Variants in AR observed in about 807,000 individuals in gnomAD.
AR encodes the protein dihydrotestosterone receptor.
A neutral mutation model predicts 53.9 loss-of-function variants in AR; 8 were observed. The observed-to-expected ratio is 0.15, with a 90% CI of 0.09 to 0.27. AR has a LOEUF of 0.27. Among genes scored for constraint, AR ranks in the 10% least tolerant of loss-of-function variants. The probability of loss-of-function intolerance (pLI) is 1.00; values close to 1 mark genes in which losing one functional copy is unlikely to be tolerated. For missense variants in AR, 639 were observed against 742.5 expected, an observed-to-expected ratio of 0.86 and a Z score of 1.62; for synonymous variants, 359 against 316.4, an observed-to-expected ratio of 1.13 and a Z score of -1.43.
At chrX:67,720,251 CTCTT>C (rs2076130138) in intron 5 of AR, among the ~76,000 whole-genome samples, 2 of 110,588 alleles carry the variant, frequency 1.8e-5, no homozygotes, top group East Asian at 2.9e-4. Flanking sequence ...ATTCTCCTCT[CTCTT>C]CCTTCCTTTA....
chrX:67,690,727 T>G (rs1465163236), intron 3 of AR, among the ~76,000 whole-genome samples: 1 of 111,825 alleles, frequency 8.9e-6, no homozygotes, highest in East Asian at 2.8e-4. Flanking sequence ...CCTCAAAAAT[T>G]TGAGCAAGAG....
In AR at chrX:67,675,523, C is replaced by G. The variant is rs1424302971; in HGVS notation, c.1769-10487C>G. ...ATTAGGGCTGGTCTAAGTGCTCCTT[C>G]TGTGGGCACTGGCTGAGTTCTGCTC... On this transcript the variant is annotated intron_variant, in intron 2 of 7. Coordinates refer to ENST00000374690, the MANE Select transcript of AR (RefSeq NM_000044.6). Among the ~76,000 whole-genome samples the G allele has an allele frequency of 4.5e-5, 5 of 111,483 alleles. 1 individual carries two copies. In the South Asian group the frequency reaches 1.5e-3, roughly 34 times the overall value.
intron 1 of AR, among the ~76,000 whole-genome samples, chrX:67,627,589 C>A (rs1419219976): frequency 9.0e-6 from 1 of 111,188 alleles, no homozygotes; most frequent in Non-Finnish European, 1.9e-5. Context: ...GTTGCCTGTT[C>A]AATCTGATGG....
At chrX:67,619,893 A>G (rs1187708413) in intron 1 of AR, among the ~76,000 whole-genome samples, 3 of 110,554 alleles carry the variant, frequency 2.7e-5, no homozygotes, top group African/African-American at 9.9e-5. Context: ...GAGGAGTGAG[A>G]CACTTCTCCC....
chrX:67,708,997 G>T (rs908430008), intron 3 of AR, among the ~76,000 whole-genome samples: 6 of 111,777 alleles, frequency 5.4e-5, no homozygotes, highest in Admixed American at 9.5e-5. Context: ...TCATTCTTCT[G>T]GAAGTTTCGT....
At chrX:67,572,074 T>A (rs946157273) in intron 1 of AR, among the ~76,000 whole-genome samples, 1 of 111,334 alleles carries the variant, frequency 9.0e-6, no homozygotes, top group South Asian at 3.8e-4. Flanking sequence ...TGATTGCATA[T>A]GACAAACTTC....
intron 2 of AR, among the ~76,000 whole-genome samples, chrX:67,665,190 C>T (rs1349032570): frequency 8.9e-6 from 1 of 112,627 alleles, no homozygotes; most frequent in Non-Finnish European, 1.9e-5. Flanking sequence ...GCAGAAATCA[C>T]CCATCTTCTG....
intron 1 of AR, among the ~76,000 whole-genome samples, chrX:67,556,826 C>T (rs768358528): frequency 9.2e-6 from 1 of 109,248 alleles, no homozygotes; most frequent in South Asian, 3.8e-4. Context: ...ATATTCCAGG[C>T]CCAGGGAACC....
At chrX:67,595,571 A>AT (rs758106421) in intron 1 of AR, among the ~76,000 whole-genome samples, 3 of 106,919 alleles carry the variant, frequency 2.8e-5, no homozygotes, top group Middle Eastern at 4.7e-3. Flanking sequence ...CATTAGAAAG[A>AT]TTTTTTTTTA....
intron 1 of AR, among the ~76,000 whole-genome samples, chrX:67,580,339 A>G (rs998291811): frequency 9.0e-6 from 1 of 111,729 alleles, no homozygotes; most frequent in Non-Finnish European, 1.9e-5. Flanking sequence ...ACTTCTACAA[A>G]TAATAATCTG....
At chrX:67,626,503 C>A (rs1240832873) in intron 1 of AR, among the ~76,000 whole-genome samples, 3 of 80,126 alleles carry the variant, frequency 3.7e-5, no homozygotes, top group South Asian at 1.8e-3. Flanking sequence ...TGCAGTGGTG[C>A]AATCTCAGCT....
At chrX:67,588,659 C>T (rs911687160) in intron 1 of AR, among the ~76,000 whole-genome samples, 93 of 112,261 alleles carry the variant, frequency 8.3e-4, no homozygotes, top group Non-Finnish European at 1.6e-3. Flanking sequence ...AAGCTGATGC[C>T]CGGCTGATGC....
At chrX:67,602,799 T>C (rs1388625614) in intron 1 of AR, among the ~76,000 whole-genome samples, 1 of 111,599 alleles carries the variant, frequency 9.0e-6, no homozygotes, top group Non-Finnish European at 1.9e-5. Context: ...AGTTGACTTC[T>C]GACCTAAAAA....
chrX:67,695,066 A>T, intron 3 of AR: 1 of 790,988 alleles, frequency 1.3e-6, no homozygotes, highest in South Asian at 6.3e-5. Context: ...CCAGGCACTG[A>T]CTCAGGCGGA....
chrX:67,695,470 T>C lies in AR; in HGVS notation c.1885+9344T>C. ...CTGTAGCCACACTCCTTGATTGCTC[T>C]CTCACATCACATGCTTCTCTTCATC... On this transcript the variant is annotated intron_variant, in intron 3 of 7. Coordinates refer to ENST00000374690, the MANE Select transcript of AR (RefSeq NM_000044.6). The C allele has an allele frequency of 6.6e-6, 5 of 754,331 alleles. No individual in the cohort carries two copies. The South Asian group carries it at 3.4e-4, about 51-fold the overall frequency. The allele number at this position is 754,331 out of a possible 1,213,427, so 62.2% of individuals were successfully genotyped here.
intron 3 of AR, among the ~76,000 whole-genome samples, chrX:67,704,301 G>C (rs2076055730): frequency 8.9e-6 from 1 of 111,940 alleles, no homozygotes; most frequent in Non-Finnish European, 1.9e-5. Context: ...ATCCTTTCCA[G>C]CACCTGTTGT....
chrX:67,620,264 T>G (rs757702061), intron 1 of AR, among the ~76,000 whole-genome samples: 5 of 106,403 alleles, frequency 4.7e-5, no homozygotes, highest in East Asian at 3.0e-4. Context: ...TAGGTTTTGG[T>G]TTTTTTTTTC....
At chrX:67,668,870 G>T (rs1221879133) in intron 2 of AR, among the ~76,000 whole-genome samples, 1 of 110,724 alleles carries the variant, frequency 9.0e-6, no homozygotes, top group East Asian at 2.8e-4. Context: ...GCCCTCTAAT[G>T]ATGCCTTGAA....
Position 67,727,291 on chromosome X carries a change from A to C in AR, c.*3450A>C, listed in dbSNP as rs1359241489. 5.9e-6 allele frequency: 1 copy of C among 168,287 alleles called. No individual in the cohort carries two copies. The highest frequency in any genetic ancestry group is 1.1e-5 in the Non-Finnish European group (1 of 87,543). 13.9% of individuals were successfully genotyped at this position (168,287 alleles called of 1,213,427 possible). A position where few individuals can be genotyped will look rare whatever the true frequency, so the allele number is the denominator to read the frequency against. On this transcript the variant is annotated 3_prime_UTR_variant, in exon 8 of 8. Transcript: ENST00000374690. ...TTTGAAAAAAGAAAATCTGTAATAC[A>C]TATATTTTTATGTATGTTCACTGGC...
Sources: gnomAD v4.1 joint callset for allele counts (sites outside exome capture counted in the v4.1 genomes callset) on GRCh38, gnomAD v4.1.1 for gene constraint, MANE v1.5 for transcripts, NCBI Gene and HGNC (gene_info 2026-07-23, HGNC 2026-07-21) for gene names.